The following FHL5 variants were observed in gnomAD, a reference collection of about 807,000 sequenced individuals.
FHL5 encodes the protein four and a half LIM domains protein 5.
In FHL5, 33 loss-of-function variants were observed where a neutral mutation model predicts 32.0. The observed-to-expected ratio is 1.03, with a 90% CI of 0.78 to 1.38. The LOEUF (loss-of-function observed/expected upper bound fraction) is 1.38. FHL5 is among the 40% of genes most tolerant of loss of function. The pLI is 0.00. For missense variants in FHL5, 336 were observed against 343.9 expected, an observed-to-expected ratio of 0.98 and a Z score of 0.18; for synonymous variants, 114 against 113.6, an observed-to-expected ratio of 1.00 and a Z score of -0.02.
rs1356823814 is a variant in FHL5 at position 96,615,701 on chromosome 6, A to G, written c.784A>G (p.Lys262Glu). 7 of 1,613,138 alleles carry G rather than the reference A, an allele frequency of 4.3e-6. No homozygotes were observed. The highest frequency in any genetic ancestry group is 1.7e-4 in the Middle Eastern group (1 of 6,044). Residue 262 changes from lysine (K) to glutamate (E), a missense_variant, in exon 6 of 6, where the codon AAA becomes GAA. Transcript: ENST00000450218. ...CGKCSVSLVG[K>E]GFLTQNKEIF... ...GAAATGCTCTGTCTCCTTGGTGGGT[A>G]AAGGCTTCCTGACCCAGAACAAGGA... is the stretch of plus-strand genomic sequence containing the variant.
intron 4 of FHL5, among the ~76,000 whole-genome samples, chr6:96,607,404 C>A (rs1284348002): frequency 7.0e-6 from 1 of 143,882 alleles, no homozygotes; most frequent in Non-Finnish European, 1.6e-5. Flanking sequence ...CACACATGCA[C>A]ATACACACAC....
At chr6:96,588,289 C>A (rs1770842357) in intron 1 of FHL5, among the ~76,000 whole-genome samples, 1 of 152,210 alleles carries the variant, frequency 6.6e-6, no homozygotes, top group Admixed American at 6.5e-5. Flanking sequence ...CGGCTCACTG[C>A]AACCTCCACC....
intron 1 of FHL5, among the ~76,000 whole-genome samples, chr6:96,597,968 T>C (rs149272049): frequency 3.6e-4 from 55 of 152,254 alleles, no homozygotes; most frequent in African/African-American, 1.3e-3. Context: ...CAGGAAACCA[T>C]TGCAAAGATT....
At chr6:96,602,481 C>G (rs1162884147) in intron 1 of FHL5, among the ~76,000 whole-genome samples, 3 of 110,660 alleles carry the variant, frequency 2.7e-5, no homozygotes. Flanking sequence ...GAGTCTGGCT[C>G]TGTCGCCCAG....
chr6:96,618,342 T>C lies in FHL5; in HGVS notation c.*2570T>C, dbSNP rs1216327621. ...ATCCCATGTGCCAATAACAACCAGATGGCTTGGAAGTAGCAGAGACTGCCG... is the reference window on the plus strand; with the variant it reads ...ATCCCATGTGCCAATAACAACCAGACGGCTTGGAAGTAGCAGAGACTGCCG... On this transcript the variant is annotated 3_prime_UTR_variant, in exon 6 of 6. Transcript: ENST00000450218. Among the ~76,000 whole-genome samples the C allele has an allele frequency of 1.3e-5, 2 of 152,116 alleles. No individual in the cohort carries two copies. The highest frequency in any genetic ancestry group is 6.5e-5 in the Admixed American group (1 of 15,284).
chr6:96,573,998 A>C (rs1031745278), intron 1 of FHL5, among the ~76,000 whole-genome samples: 1 of 152,070 alleles, frequency 6.6e-6, no homozygotes, highest in Non-Finnish European at 1.5e-5. Context: ...AAGAGCCTTA[A>C]CATTTCAGCA....
At chr6:96,592,726 T>C (rs1474163697) in intron 1 of FHL5, among the ~76,000 whole-genome samples, 1 of 152,236 alleles carries the variant, frequency 6.6e-6, no homozygotes, top group Admixed American at 6.5e-5. Flanking sequence ...TAAATGTCCA[T>C]GAAATCTTCA....
chr6:96,585,422 A>G (rs911362), intron 1 of FHL5, among the ~76,000 whole-genome samples: 2,540 of 152,262 alleles, frequency 0.017, 83 homozygotes, highest in African/African-American at 0.058. Context: ...GAATAACCAG[A>G]TGAAAATTAA....
intron 1 of FHL5, among the ~76,000 whole-genome samples, chr6:96,576,071 G>A (rs1184283064): frequency 6.6e-6 from 1 of 152,168 alleles, no homozygotes; most frequent in Admixed American, 6.5e-5. Context: ...CAACTGTGTG[G>A]ACGGCCCTCA....
rs1582485647 is a variant in FHL5, at chr6:96,615,958, G to C, written c.*186G>C. On this transcript the variant is annotated 3_prime_UTR_variant, in exon 6 of 6. Coordinates refer to ENST00000450218, the MANE Select transcript of FHL5 (RefSeq NM_001322466.2). ...ACAAAAAGCACAGTAGAACAGAAAT[G>C]AATATATGCTAAATCACAAAGACAA... The C allele has an allele frequency of 2.9e-5, 13 of 445,206 alleles. No individual in the cohort carries two copies. The East Asian group carries it at 4.8e-4, about 16-fold the overall frequency. The allele number at this position is 445,206 out of a possible 1,614,324, so 27.6% of individuals were successfully genotyped here.
chr6:96,577,909 G>C (rs555221113), intron 1 of FHL5, among the ~76,000 whole-genome samples: 1 of 151,260 alleles, frequency 6.6e-6, no homozygotes, highest in African/African-American at 2.4e-5. Flanking sequence ...TTCTGGTTGA[G>C]GCTTTTTTAC....
intron 1 of FHL5, among the ~76,000 whole-genome samples, chr6:96,603,129 A>C (rs1052476321): frequency 1.3e-5 from 2 of 152,216 alleles, no homozygotes; most frequent in African/African-American, 4.8e-5. Context: ...TGAACTAGAA[A>C]ATGACAATGT....
intron 1 of FHL5, among the ~76,000 whole-genome samples, chr6:96,598,893 A>G (rs963478535): frequency 1.3e-5 from 2 of 152,166 alleles, no homozygotes; most frequent in Admixed American, 1.3e-4. Flanking sequence ...TGTTTTTCAA[A>G]CGCATTAATA....
intron 4 of FHL5, among the ~76,000 whole-genome samples, chr6:96,610,302 C>A (rs959546882): frequency 6.6e-6 from 1 of 152,106 alleles, no homozygotes; most frequent in African/African-American, 2.4e-5. Flanking sequence ...CAATAATTTC[C>A]ATTTCTTTCT....
At chr6:96,565,689 A>G (rs1437266897) in intron 1 of FHL5, among the ~76,000 whole-genome samples, 1 of 152,176 alleles carries the variant, frequency 6.6e-6, no homozygotes, top group Non-Finnish European at 1.5e-5. Context: ...TGCAATTATA[A>G]TGCTCTAAAG....
At chr6:96,568,511 T>A (rs1264654163) in intron 1 of FHL5, among the ~76,000 whole-genome samples, 1 of 151,956 alleles carries the variant, frequency 6.6e-6, no homozygotes, top group South Asian at 2.1e-4. Context: ...TTATCTTCAA[T>A]TTCTGGAAGA....
intron 1 of FHL5, among the ~76,000 whole-genome samples, chr6:96,585,896 T>C (rs1251942005): frequency 6.6e-6 from 1 of 152,178 alleles, no homozygotes; most frequent in African/African-American, 2.4e-5. Context: ...AAGACACATA[T>C]AAGTAGCGTA....
intron 1 of FHL5, among the ~76,000 whole-genome samples, chr6:96,586,150 C>T (rs914849725): frequency 6.6e-6 from 1 of 152,244 alleles, no homozygotes; most frequent in Non-Finnish European, 1.5e-5. Context: ...GTGAGCACAA[C>T]TTCCATGACC....
At chr6:96,600,955 T>G (rs1171043210) in intron 1 of FHL5, among the ~76,000 whole-genome samples, 1 of 152,166 alleles carries the variant, frequency 6.6e-6, no homozygotes, top group Non-Finnish European at 1.5e-5. Context: ...ATCACAAGGT[T>G]TTGAGATATT....
Sources: allele counts gnomAD v4.1 joint callset (sites outside exome capture counted in the v4.1 genomes callset), GRCh38; gene constraint gnomAD v4.1.1; transcripts MANE v1.5; gene names NCBI Gene and HGNC (gene_info 2026-07-23, HGNC 2026-07-21).